Variants in CHST9 observed in about 807,000 individuals in gnomAD.
CHST9 encodes GalNAc-4-sulfotransferase 2.
CHST9 carries 41 observed loss-of-function variants against 44.4 expected under a neutral mutation model. The observed-to-expected ratio is 0.92, with a 90% CI of 0.72 to 1.20. The LOEUF is 1.20. Ranked by LOEUF, CHST9 falls within the 50% of genes most tolerant of loss-of-function variation. The pLI, the probability that CHST9 is intolerant of heterozygous loss-of-function variation, is 0.00. For missense variants in CHST9, 504 were observed against 516.5 expected, an observed-to-expected ratio of 0.98 and a Z score of 0.23; for synonymous variants, 171 against 178.4, an observed-to-expected ratio of 0.96 and a Z score of 0.33.
intron 2 of CHST9, among the ~76,000 whole-genome samples, chr18:27,141,591 CAAAAAAAA>C (rs34920055): frequency 6.0e-5 from 3 of 50,100 alleles, no homozygotes; most frequent in Admixed American, 2.7e-4. Flanking sequence ...AATCCCGACT[CAAAAAAAA>C]AAAAAAAAAA....
At chr18:27,168,322 C>T (rs9948801) in intron 1 of CHST9, among the ~76,000 whole-genome samples, 1,701 of 152,238 alleles carry the variant, frequency 0.011, 25 homozygotes, top group African/African-American at 0.036. Flanking sequence ...GATCCGCCCG[C>T]CTCAGCCTCC....
At chr18:27,065,046 G>A (rs1427601388) in intron 2 of CHST9, among the ~76,000 whole-genome samples, 1 of 152,152 alleles carries the variant, frequency 6.6e-6, no homozygotes, top group Non-Finnish European at 1.5e-5. Context: ...TTTTCTTCCT[G>A]TGTGTAAGTG....
intron 3 of CHST9, among the ~76,000 whole-genome samples, chr18:27,025,050 TTATA>T (rs138381029): frequency 6.8e-6 from 1 of 147,396 alleles, no homozygotes; most frequent in East Asian, 1.9e-4. Flanking sequence ...CTTTAAAACA[TTATA>T]TATATATATG....
chr18:27,145,108 C>G (rs764476423), intron 1 of CHST9, among the ~76,000 whole-genome samples: 1 of 151,956 alleles, frequency 6.6e-6, no homozygotes, highest in Non-Finnish European at 1.5e-5. Flanking sequence ...AAAAAAAAAC[C>G]CACCAAATAG....
At chr18:26,999,335 T>C (rs2056922454) in intron 4 of CHST9, among the ~76,000 whole-genome samples, 1 of 152,224 alleles carries the variant, frequency 6.6e-6, no homozygotes, top group Admixed American at 6.5e-5. Context: ...GTTCAATTCC[T>C]ATTAAACTAT....
At chr18:27,007,862 T>C (rs1353791847) in intron 4 of CHST9, among the ~76,000 whole-genome samples, 1 of 152,148 alleles carries the variant, frequency 6.6e-6, no homozygotes, top group African/African-American at 2.4e-5. Flanking sequence ...ATAACTCTTC[T>C]GAAATGCATG....
intron 4 of CHST9, among the ~76,000 whole-genome samples, chr18:26,981,190 CTTAAAAAGATA>C (rs1247669254): frequency 3.3e-5 from 5 of 152,088 alleles, no homozygotes; most frequent in African/African-American, 1.2e-4. Context: ...AGGCTTTTGA[CTTAAAAAGATA>C]TTGGTAAGAA....
chr18:27,172,586 T>G (rs932791868), intron 1 of CHST9, among the ~76,000 whole-genome samples: 1 of 152,052 alleles, frequency 6.6e-6, no homozygotes, highest in Non-Finnish European at 1.5e-5. Context: ...TTTAAACTGA[T>G]TACTAATATA....
chr18:27,131,202 C>T (rs1440443993), intron 2 of CHST9, among the ~76,000 whole-genome samples: 1 of 152,034 alleles, frequency 6.6e-6, no homozygotes, highest in Non-Finnish European at 1.5e-5. Flanking sequence ...TCCTACGTTC[C>T]CCACCGACTA....
intron 2 of CHST9, among the ~76,000 whole-genome samples, chr18:27,099,277 GGGAAATAA>G (rs1399420664): frequency 6.6e-6 from 1 of 152,074 alleles, no homozygotes; most frequent in Non-Finnish European, 1.5e-5. Context: ...CATCAGCCAT[GGGAAATAA>G]CTTAAAAGTA....
At chr18:26,924,584 G>A (rs1177412366) in intron 5 of CHST9, 14 of 954,310 alleles carry the variant, frequency 1.5e-5, no homozygotes, top group Admixed American at 6.2e-5. Flanking sequence ...CTAGATAGAA[G>A]TGCAGTTATA....
intron 2 of CHST9, among the ~76,000 whole-genome samples, chr18:27,102,181 AAG>A (rs1161145310): frequency 6.6e-6 from 1 of 152,234 alleles, no homozygotes; most frequent in Non-Finnish European, 1.5e-5. Flanking sequence ...GTTTTATTTG[AAG>A]AGATATGCAT....
At chr18:27,091,013 T>C (rs7239490) in intron 2 of CHST9, among the ~76,000 whole-genome samples, 3,196 of 152,312 alleles carry the variant, frequency 0.021, 101 homozygotes, top group African/African-American at 0.071. Flanking sequence ...GGGGATGGCG[T>C]TGAATCTATA....
intron 1 of CHST9, among the ~76,000 whole-genome samples, chr18:27,159,277 A>AT (rs1300012780): frequency 6.6e-6 from 1 of 152,136 alleles, no homozygotes; most frequent in Admixed American, 6.6e-5. Flanking sequence ...TCTTGAATTA[A>AT]TTTTTGTATA....
intron 2 of CHST9, among the ~76,000 whole-genome samples, chr18:27,112,618 G>A (rs1373240112): frequency 8.7e-6 from 1 of 114,530 alleles, no homozygotes; most frequent in African/African-American, 3.5e-5. Context: ...TGTGTGTGTA[G>A]GATACATATA....
chr18:27,038,711 T>C (rs2057414993), intron 3 of CHST9, among the ~76,000 whole-genome samples: 1 of 152,180 alleles, frequency 6.6e-6, no homozygotes, highest in Non-Finnish European at 1.5e-5. Context: ...GTAAAGTGTT[T>C]TTTTCATTAA....
At chr18:27,122,577 C>T (rs1271341574) in intron 2 of CHST9, among the ~76,000 whole-genome samples, 6 of 152,156 alleles carry the variant, frequency 3.9e-5, no homozygotes, top group African/African-American at 1.4e-4. Flanking sequence ...ATTCTCTCCC[C>T]CTCCATCCCA....
At chr18:27,114,697 T>C (rs2058304697) in intron 2 of CHST9, among the ~76,000 whole-genome samples, 2 of 152,216 alleles carry the variant, frequency 1.3e-5, no homozygotes, top group Admixed American at 1.3e-4. Flanking sequence ...TATATGAAAT[T>C]ATACATGTGA....
chr18:27,014,013 TATC>T (rs1328720564), intron 4 of CHST9, among the ~76,000 whole-genome samples: 1 of 152,192 alleles, frequency 6.6e-6, no homozygotes, highest in Non-Finnish European at 1.5e-5. Context: ...ATTGTGGTAT[TATC>T]ATAAATAAAA....
Sources: allele counts gnomAD v4.1 joint callset (sites outside exome capture counted in the v4.1 genomes callset), GRCh38; gene constraint gnomAD v4.1.1; transcripts MANE v1.5; gene names NCBI Gene and HGNC (gene_info 2026-07-23, HGNC 2026-07-21).